The following TRIM38 variants were observed in gnomAD, a reference collection of about 807,000 sequenced individuals.
The protein encoded by TRIM38 is tripartite motif containing 38, also known as E3 ubiquitin-protein ligase TRIM38.
Under a neutral mutation model 35.8 loss-of-function variants are expected in TRIM38, and 35 were observed. That is an observed-to-expected ratio of 0.98 (90% confidence interval 0.75 to 1.30). The LOEUF is 1.30. TRIM38 is among the 50% of genes most tolerant of loss of function. The pLI is 0.00. For synonymous variants in TRIM38, 198 were observed against 204.7 expected (o/e 0.97, Z 0.28); for missense variants, 545 against 556.9 (o/e 0.98, Z 0.21).
At chr6:25,965,993 T>C (rs1459399567) in intron 2 of TRIM38, among the ~76,000 whole-genome samples, 1 of 151,686 alleles carries the variant, frequency 6.6e-6, no homozygotes, top group Non-Finnish European at 1.5e-5. Flanking sequence ...GTCTGAGCTA[T>C]GTGAGGTATG....
At chr6:25,973,495 A>G in intron 7 of TRIM38, 1 of 985,302 alleles carries the variant, frequency 1.0e-6, no homozygotes, top group Non-Finnish European at 1.2e-6. Flanking sequence ...AACCTTTCAA[A>G]TTCTTATTCT....
intron 7 of TRIM38, chr6:25,974,975 T>C (rs1760347311): frequency 1.0e-6 from 1 of 985,148 alleles, no homozygotes; most frequent in African/African-American, 1.7e-5. Context: ...CCTACTCTCA[T>C]CTTTTACAGA....
chr6:25,980,423 CTTT>C (rs1228527323), intron 7 of TRIM38, among the ~76,000 whole-genome samples: 6 of 140,572 alleles, frequency 4.3e-5, no homozygotes, highest in African/African-American at 7.8e-5. Context: ...TTCATTCTTT[CTTT>C]TTTTTTTTTT....
intron 7 of TRIM38, among the ~76,000 whole-genome samples, chr6:25,980,420 T>A (rs941436271): frequency 2.0e-5 from 3 of 151,702 alleles, no homozygotes; most frequent in Non-Finnish European, 2.9e-5. Flanking sequence ...CCTTTCATTC[T>A]TTCTTTTTTT....
At position 25,989,524 on chromosome 6, in the gene TRIM38, T is replaced by C. The variant is rs1308598571; in HGVS notation, c.*5837T>C. ...GGTCTTGTATTCTTTTTTTTTTTTT[T>C]TTTTTTTTTTAATAGAGACGGGTCT... On this transcript the variant is annotated 3_prime_UTR_variant, in exon 8 of 8. Transcript: ENST00000357085. The C allele has an allele frequency of 6.8e-6, 1 of 147,536 alleles. No homozygotes were observed. Among genetic ancestry groups the C allele is most frequent in the Non-Finnish European group, 1.5e-5 (1 of 66,714 alleles). The allele number at this position is 147,536 out of a possible 1,614,324, so 9.1% of individuals were successfully genotyped here.
At chr6:25,982,432 G>C (rs778398227) in intron 7 of TRIM38, among the ~76,000 whole-genome samples, 15 of 152,104 alleles carry the variant, frequency 9.9e-5, no homozygotes. Flanking sequence ...TGGGCTCCCA[G>C]AGCTTAGGGC....
At position 25,966,664 on chromosome 6, in the gene TRIM38, A is replaced by G; in HGVS notation, c.142A>G (p.Ser48Gly). ...LCITDFFKNP[S>G]QKQLRQETFC... ...TATAACAGACTTCTTTAAAAACCCA[A>G]GCCAAAAGCAACTGAGGCAGGAGAC... The change falls in exon 3 of 8, where the codon AGC becomes GGC. Residue 48 changes from serine to glycine, a missense_variant. Physicochemically the swap from Ser to Gly is moderately conservative, Grantham distance 56. Coordinates refer to ENST00000357085, the MANE Select transcript of TRIM38 (RefSeq NM_006355.5). The G allele has an allele frequency of 6.2e-7, 1 of 1,614,184 alleles. No homozygotes were observed. Among genetic ancestry groups the G allele is most frequent in the Non-Finnish European group, 8.5e-7 (1 of 1,180,046 alleles).
rs926855182 is a variant in TRIM38 at position 25,964,791 on chromosome 6, A to G, written c.-189+1509A>G. Among the ~76,000 whole-genome samples, 6 of 151,018 alleles carry G rather than the reference A, an allele frequency of 4.0e-5. No individual in the cohort carries two copies. In the East Asian group the frequency reaches 5.9e-4, roughly 15 times the overall value. ...GCATAAGTGTTACTACTAATTACAA[A>G]GAGTAATTCTGGTACCAATTATTCT... is the stretch of plus-strand genomic sequence containing the variant. On this transcript the variant is annotated intron_variant, in intron 2 of 7. Coordinates refer to ENST00000357085, the MANE Select transcript of TRIM38 (RefSeq NM_006355.5).
chr6:25,966,863 G>T lies in TRIM38; in HGVS notation c.341G>T (p.Arg114Leu). 6.2e-7 allele frequency: 1 copy of T among 1,614,160 alleles called. No homozygotes were observed. The highest frequency in any genetic ancestry group is 1.1e-5 in the South Asian group (1 of 91,080). ...GACGAGGGGCAGCTCATCTGCTGGC[G>T]CTGTGAGCGGGCACCACAGCACAAA... is the stretch of plus-strand genomic sequence containing the variant. The part of the protein sequence containing the change: ...CEDEGQLICW[R>L]CERAPQHKGH... Residue 114 changes from arginine to leucine, a missense_variant, in exon 3 of 8, where the codon CGC (arginine) becomes CTC (leucine). Coordinates refer to ENST00000357085, the MANE Select transcript of TRIM38 (RefSeq NM_006355.5).
At position 25,983,186 on chromosome 6, in the gene TRIM38, T is replaced by A. The variant is rs780565429; in HGVS notation, c.897T>A (p.Asp299Glu). 158 of 1,602,170 alleles carry A rather than the reference T, an allele frequency of 9.9e-5. No individual in the cohort carries two copies. The highest frequency in any genetic ancestry group is 1.3e-4 in the Non-Finnish European group (154 of 1,174,168). ...CAGTTAGTGTGACTCTGGATCCAGA[T>A]ACAGCTCATCACGAACTAATTCTCT... Reference protein sequence around the residue: ...SHQVSVTLDPDTAHHELILSE... With the variant: ...SHQVSVTLDPETAHHELILSE... The change falls in exon 8 of 8, where the codon GAT becomes GAA. Residue 299 changes from aspartate to glutamate, a missense_variant. Coordinates refer to ENST00000357085, the MANE Select transcript of TRIM38 (RefSeq NM_006355.5).
Position 25,983,440 on chromosome 6 carries a change from C to T in TRIM38, c.1151C>T (p.Thr384Ile). ...MKQEPQSGFWTLRLCKKKGYV... is the reference protein window; with the variant it reads ...MKQEPQSGFWILRLCKKKGYV... Reference sequence around the variant, plus strand: ...CAAGAGCCTCAGTCTGGATTCTGGACCCTCAGGCTGTGCAAAAAGAAAGGC... The same window carrying T: ...CAAGAGCCTCAGTCTGGATTCTGGATCCTCAGGCTGTGCAAAAAGAAAGGC... The change falls in exon 8 of 8, where the codon ACC becomes ATC. Residue 384 changes from threonine to isoleucine, a missense_variant. Transcript: ENST00000357085. 1 of 1,614,114 alleles carries T rather than the reference C, an allele frequency of 6.2e-7. No individual in the cohort carries two copies. Among genetic ancestry groups the T allele is most frequent in the Non-Finnish European group, 8.5e-7 (1 of 1,180,016 alleles).
At position 25,966,713 on chromosome 6, in the gene TRIM38, C is replaced by G. The variant is rs1334193583; in HGVS notation, c.191C>G (p.Ala64Gly). 1.9e-6 allele frequency: 3 copies of G among 1,614,060 alleles called. No homozygotes were observed. The African/African-American group carries it at 4.0e-5, about 22-fold the overall frequency. Residue 64 changes from alanine to glycine, a missense_variant, in exon 3 of 8, where the codon GCT becomes GGT. By Grantham distance (60) the Ala-to-Gly change is moderately conservative. Transcript: ENST00000357085. ...QETFCCPQCR[A>G]PFHMDSLRPN... ...ACATTCTGCTGTCCCCAGTGTCGGG[C>G]TCCATTTCATATGGATAGCCTCCGA...
At chr6:25,975,615 A>G (rs1268420056) in intron 7 of TRIM38, 1 of 982,582 alleles carries the variant, frequency 1.0e-6, no homozygotes, top group Non-Finnish European at 1.2e-6. Context: ...GTCAAACAAT[A>G]TAAAGGATAT....
Position 25,983,357 on chromosome 6 carries a change from A to G in TRIM38, c.1068A>G (p.Gly356=). The G allele has an allele frequency of 6.2e-7, 1 of 1,614,108 alleles. No homozygotes were observed. The highest frequency in any genetic ancestry group is 8.5e-7 in the Non-Finnish European group (1 of 1,180,008). Residue 356 remains glycine, a synonymous_variant, in exon 8 of 8, where the codon GGA becomes GGG. Transcript: ENST00000357085. ...RRYFEVDVGE[G]TGWDLGVCME... ...ACTTTGAAGTGGATGTTGGCGAAGG[A>G]ACCGGATGGGATTTAGGAGTTTGTA...
At position 25,963,078 on chromosome 6, in the gene TRIM38, A is replaced by T. The variant is rs1044486970; in HGVS notation, c.-393A>T. 1 of 152,322 alleles carries T rather than the reference A, an allele frequency of 6.6e-6. No individual in the cohort carries two copies. The highest frequency in any genetic ancestry group is 2.4e-5 in the African/African-American group (1 of 41,390). The allele number at this position is 152,322 out of a possible 1,614,324, so 9.4% of individuals were successfully genotyped here. A position where few individuals can be genotyped will look rare whatever the true frequency, so the allele number is the denominator to read the frequency against. ...TACACCAAATCTCAGAAGATTCAGA[A>T]CTTAGATGAGTGGGGCCCAGGACAG... On this transcript the variant is annotated 5_prime_UTR_variant, in exon 2 of 8. Coordinates refer to ENST00000357085, the MANE Select transcript of TRIM38 (RefSeq NM_006355.5).
At position 25,984,487 on chromosome 6, in the gene TRIM38, C is replaced by A. The variant is rs1008163482; in HGVS notation, c.*800C>A. Reference sequence around the variant, plus strand: ...TTGAAAAAGACCAAATTACCATACCCGAGTGAGTAATGACAGGACTACAAC... The same window carrying A: ...TTGAAAAAGACCAAATTACCATACCAGAGTGAGTAATGACAGGACTACAAC... On this transcript the variant is annotated 3_prime_UTR_variant, in exon 8 of 8. Transcript: ENST00000357085. 6.6e-6 allele frequency: 1 copy of A among 152,198 alleles called. No homozygotes were observed. Among genetic ancestry groups the A allele is most frequent in the Non-Finnish European group, 1.5e-5 (1 of 68,030 alleles). The allele number at this position is 152,198 out of a possible 1,614,324, so 9.4% of individuals were successfully genotyped here.
chr6:25,975,413 G>C (rs761268422), intron 7 of TRIM38: 2 of 191,510 alleles, frequency 1.0e-5, no homozygotes, highest in Non-Finnish European at 1.9e-5. Context: ...TGTTGGCCAG[G>C]CTGGTCTCAA....
chr6:25,979,676 C>T (rs1205315582), intron 7 of TRIM38, among the ~76,000 whole-genome samples: 1 of 150,366 alleles, frequency 6.7e-6, no homozygotes, highest in African/African-American at 2.4e-5. Context: ...TTATTGCATT[C>T]TTGTTTTCTT....
intron 3 of TRIM38, 116 bp downstream of exon 3, chr6:25,967,049 T>A: frequency 1.8e-6 from 2 of 1,140,430 alleles, no homozygotes; most frequent in East Asian, 2.4e-5. Context: ...GCTTTCATCA[T>A]GTCATTCTTC....
Sources: gnomAD v4.1 joint callset for allele counts (sites outside exome capture counted in the v4.1 genomes callset) on GRCh38, gnomAD v4.1.1 for gene constraint, MANE v1.5 for transcripts, NCBI Gene and HGNC (gene_info 2026-07-23, HGNC 2026-07-21) for gene names.